The following PLCB4 variants were observed in gnomAD, a reference collection of about 807,000 sequenced individuals.
PLCB4 encodes 1-phosphatidylinositol 4,5-bisphosphate phosphodiesterase beta-4.
A neutral mutation model predicts 178.8 loss-of-function variants in PLCB4; 77 were observed. The ratio of observed to expected loss-of-function variants is 0.43; its 90% CI spans 0.36 to 0.52. PLCB4 has a LOEUF of 0.52. Ranked by LOEUF, PLCB4 falls within the 20% of genes least tolerant of loss-of-function variation. The probability of loss-of-function intolerance (pLI) is 0.00; values close to 1 mark genes in which losing one functional copy is unlikely to be tolerated. For synonymous variants in PLCB4, 496 were observed against 490.8 expected (o/e 1.01, Z -0.14); for missense variants, 1,024 against 1,453.4 (o/e 0.70, Z 4.80).
chr20:9,244,670 A>G (rs2094105687), intron 3 of PLCB4, among the ~76,000 whole-genome samples: 2 of 152,198 alleles, frequency 1.3e-5, no homozygotes, highest in African/African-American at 4.8e-5. Flanking sequence ...CAGTTAAGTA[A>G]AGAGTGTTTA....
chr20:9,169,309 A>G (rs2093025562), intron 2 of PLCB4, among the ~76,000 whole-genome samples: 1 of 151,976 alleles, frequency 6.6e-6, no homozygotes, highest in Non-Finnish European at 1.5e-5. Flanking sequence ...TGAGTTCTCA[A>G]TGTAAACACT....
At chr20:9,448,763 T>C (rs999949208) in intron 32 of PLCB4, among the ~76,000 whole-genome samples, 6 of 152,128 alleles carry the variant, frequency 3.9e-5, no homozygotes, top group African/African-American at 1.4e-4. Context: ...CTTTTTAGAC[T>C]TAAAGAGAAG....
At chr20:9,413,709 T>C (rs2040035786) in intron 25 of PLCB4, among the ~76,000 whole-genome samples, 1 of 151,512 alleles carries the variant, frequency 6.6e-6, no homozygotes, top group Non-Finnish European at 1.5e-5. Context: ...TTGTTTTTCC[T>C]AGAATTTCTG....
At chr20:9,353,098 G>T (rs997182595) in intron 7 of PLCB4, among the ~76,000 whole-genome samples, 1 of 152,124 alleles carries the variant, frequency 6.6e-6, no homozygotes, top group African/African-American at 2.4e-5. Context: ...AAGGGCTTTT[G>T]AAATTAATGT....
intron 22 of PLCB4, 50 bp downstream of exon 22, chr20:9,408,108 A>G (rs768367967): frequency 3.4e-6 from 5 of 1,450,480 alleles, no homozygotes; most frequent in Middle Eastern, 1.8e-4. Context: ...ATTTTCTTTT[A>G]TGGTGCTGAT....
At chr20:9,199,745 T>G (rs1412589782) in intron 2 of PLCB4, among the ~76,000 whole-genome samples, 1 of 152,228 alleles carries the variant, frequency 6.6e-6, no homozygotes, top group Non-Finnish European at 1.5e-5. Context: ...GTATTCTAAA[T>G]GCCAGGTCTC....
chr20:9,292,024 G>A (rs903134411), intron 3 of PLCB4, among the ~76,000 whole-genome samples: 1 of 152,128 alleles, frequency 6.6e-6, no homozygotes. Context: ...TGAAGAGCTC[G>A]TTGTGTGTGT....
At chr20:9,120,259 G>C (rs1364216661) in intron 2 of PLCB4, among the ~76,000 whole-genome samples, 1 of 152,072 alleles carries the variant, frequency 6.6e-6, no homozygotes, top group Non-Finnish European at 1.5e-5. Flanking sequence ...AGATTAAAAG[G>C]AGGGATTGGG....
At chr20:9,304,325 G>C (rs1208397683) in intron 3 of PLCB4, among the ~76,000 whole-genome samples, 1 of 151,910 alleles carries the variant, frequency 6.6e-6, no homozygotes, top group Non-Finnish European at 1.5e-5. Context: ...TGTTGTCAAT[G>C]AGCATGACCA....
intron 4 of PLCB4, among the ~76,000 whole-genome samples, chr20:9,332,765 A>G (rs2031878057): frequency 6.6e-6 from 1 of 152,116 alleles, no homozygotes. Flanking sequence ...GTAGGACCTT[A>G]TGACAGGCAT....
chr20:9,363,860 G>A (rs6056576), intron 8 of PLCB4, among the ~76,000 whole-genome samples: 6,018 of 152,268 alleles, frequency 0.04, 413 homozygotes, highest in African/African-American at 0.14. Context: ...TACTCACTTG[G>A]CAATGGGCCA....
At chr20:9,174,102 G>T (rs1449245788) in intron 2 of PLCB4, among the ~76,000 whole-genome samples, 2 of 151,914 alleles carry the variant, frequency 1.3e-5, no homozygotes, top group Non-Finnish European at 2.9e-5. Flanking sequence ...TTCTTGGCTT[G>T]GTTTTGCTGC....
At chr20:9,179,246 T>A (rs1202536971) in intron 2 of PLCB4, among the ~76,000 whole-genome samples, 1 of 152,086 alleles carries the variant, frequency 6.6e-6, no homozygotes, top group Non-Finnish European at 1.5e-5. Context: ...GTTGGGGTGA[T>A]GGTAAACCAG....
intron 3 of PLCB4, among the ~76,000 whole-genome samples, chr20:9,236,744 A>G (rs1185980280): frequency 2.6e-5 from 4 of 152,314 alleles, no homozygotes; most frequent in African/African-American, 7.2e-5. Flanking sequence ...GTGAGTTTCT[A>G]TGGAAACTAA....
At chr20:9,131,435 T>A (rs1464360601) in intron 2 of PLCB4, among the ~76,000 whole-genome samples, 1 of 152,174 alleles carries the variant, frequency 6.6e-6, no homozygotes, top group Admixed American at 6.5e-5. Context: ...TCTCTGTGAC[T>A]GGTAATAACT....
intron 2 of PLCB4, among the ~76,000 whole-genome samples, chr20:9,146,307 A>T (rs1368331641): frequency 6.6e-6 from 1 of 152,098 alleles, no homozygotes; most frequent in Non-Finnish European, 1.5e-5. Context: ...AAATATGACC[A>T]AACTCTGGAG....
intron 18 of PLCB4, among the ~76,000 whole-genome samples, chr20:9,394,776 T>C (rs2038433596): frequency 6.6e-6 from 1 of 152,216 alleles, no homozygotes; most frequent in Admixed American, 6.5e-5. Context: ...TAGTTTGTTA[T>C]GCTTTCTTTT....
chr20:9,348,124 C>T (rs2033989155), intron 7 of PLCB4, among the ~76,000 whole-genome samples: 1 of 152,176 alleles, frequency 6.6e-6, no homozygotes. Flanking sequence ...TGGACTACAT[C>T]ATCATGACAC....
At chr20:9,345,715 A>C (rs772542145) in intron 7 of PLCB4, among the ~76,000 whole-genome samples, 20 of 152,218 alleles carry the variant, frequency 1.3e-4, no homozygotes, top group African/African-American at 2.9e-4. Context: ...GGCAAACTTC[A>C]TAAATTATGC....
Sources: gnomAD v4.1 joint callset for allele counts (sites outside exome capture counted in the v4.1 genomes callset) on GRCh38, gnomAD v4.1.1 for gene constraint, MANE v1.5 for transcripts, NCBI Gene and HGNC (gene_info 2026-07-23, HGNC 2026-07-21) for gene names.